Variants in PVT1 observed in about 807,000 individuals in gnomAD.
PVT1 encodes CXCR4/PVT1 fusion.
chr8:127,864,050 T>C (rs911266772), intron 2 of PVT1, among the ~76,000 whole-genome samples: 1 of 152,202 alleles, frequency 6.6e-6, no homozygotes, highest in African/African-American at 2.4e-5. Flanking sequence ...CCTGCATGGC[T>C]TTCCTGGGCC....
At chr8:127,824,543 T>C in intron 2 of PVT1, among the ~76,000 whole-genome samples, 1 of 152,254 alleles carries the variant, frequency 6.6e-6, no homozygotes. Context: ...AGATTTTTCT[T>C]TGTAGAAAAT....
At chr8:127,929,997 T>C (rs1385803017) in intron 3 of PVT1, among the ~76,000 whole-genome samples, 1 of 152,228 alleles carries the variant, frequency 6.6e-6, no homozygotes, top group African/African-American at 2.4e-5. Context: ...TTTAGAAAAA[T>C]ACACATGGAA....
chr8:128,025,139 G>A (rs1418572397), intron 4 of PVT1, among the ~76,000 whole-genome samples: 1 of 152,238 alleles, frequency 6.6e-6, no homozygotes, highest in African/African-American at 2.4e-5. Context: ...TGTTTGGGCT[G>A]GCGCAGGCCA....
chr8:128,089,657 T>C (rs1261781064), intron 5 of PVT1, among the ~76,000 whole-genome samples: 1 of 152,178 alleles, frequency 6.6e-6, no homozygotes, highest in Non-Finnish European at 1.5e-5. Context: ...CAATTACGCA[T>C]AGCAGGGTGT....
chr8:127,818,916 G>A (rs143506833), intron 2 of PVT1, among the ~76,000 whole-genome samples: 39 of 152,246 alleles, frequency 2.6e-4, no homozygotes, highest in Non-Finnish European at 4.3e-4. Context: ...GTGCAGTGGC[G>A]TGATCATAGC....
intron 2 of PVT1, among the ~76,000 whole-genome samples, chr8:127,868,364 G>A (rs2114353): frequency 0.39 from 59,528 of 151,762 alleles, 15,080 homozygotes; most frequent in African/African-American, 0.72. Flanking sequence ...CCAATTTCCT[G>A]TCACTTGAAT....
At chr8:127,980,069 A>G (rs1353459712) in intron 3 of PVT1, among the ~76,000 whole-genome samples, 1 of 148,640 alleles carries the variant, frequency 6.7e-6, no homozygotes, top group Non-Finnish European at 1.5e-5. Context: ...TTTTGTAGAG[A>G]TGGGGTCTCA....
intron 2 of PVT1, among the ~76,000 whole-genome samples, chr8:127,851,261 G>A (rs1040302998): frequency 2.0e-5 from 3 of 152,128 alleles, no homozygotes; most frequent in East Asian, 1.9e-4. Flanking sequence ...TGATGTATTC[G>A]TTTGGAGTGG....
chr8:128,056,664 G>T (rs1232516514), intron 4 of PVT1, among the ~76,000 whole-genome samples: 6 of 152,162 alleles, frequency 3.9e-5, no homozygotes, highest in African/African-American at 1.4e-4. Context: ...TGGTTGCCAA[G>T]ACTGCCCTTG....
At chr8:128,002,987 T>TCCTTCCTTCCTTCCTTCCTTCCTTCCTC (rs1317875199) in intron 4 of PVT1, among the ~76,000 whole-genome samples, 1 of 131,300 alleles carries the variant, frequency 7.6e-6, no homozygotes, top group Non-Finnish European at 1.6e-5. Flanking sequence ...CTTCCTTCCT[T>TCCTTCCTTCCTTCCTTCCTTCCTTCCTC]CCTTCCTCCC....
In PVT1 at chr8:127,905,343, A is replaced by G. The variant is rs574690588; in HGVS notation, n.782+14345A>G. On this transcript the variant is annotated intron_variant and non_coding_transcript_variant, in intron 3 of 10. Transcript: ENST00000651587. ...GCTTCACTATCTCTTCTGGGCACAG[A>G]TTGGTTACAGGGATATAGACCACCT... Among the ~76,000 whole-genome samples, 3 of 152,234 alleles carry G rather than the reference A, an allele frequency of 2.0e-5. No homozygotes were observed. In the South Asian group the frequency reaches 6.2e-4, roughly 32 times the overall value.
At position 128,067,541 on chromosome 8, in the gene PVT1, G is replaced by A. The variant is rs535219248; in HGVS notation, n.913-2619G>A. Among the ~76,000 whole-genome samples the A allele has an allele frequency of 3.9e-5, 6 of 152,356 alleles. No homozygotes were observed. The South Asian group carries it at 1.0e-3, about 26-fold the overall frequency. On this transcript the variant is annotated intron_variant and non_coding_transcript_variant, in intron 4 of 10. Transcript: ENST00000651587. ...AACTCAGAAAAGGAACACACAGGATGTCTTGGCAGGATGAGACTAGGCAGC... is the reference window on the plus strand; with the variant it reads ...AACTCAGAAAAGGAACACACAGGATATCTTGGCAGGATGAGACTAGGCAGC...
At chr8:127,799,210 G>A (rs748033723) in intron 2 of PVT1, among the ~76,000 whole-genome samples, 1 of 151,804 alleles carries the variant, frequency 6.6e-6, no homozygotes, top group Non-Finnish European at 1.5e-5. Context: ...GAGAACAGGG[G>A]CGTCTAAGTG....
At chr8:127,918,423 T>C (rs1816016342) in intron 3 of PVT1, among the ~76,000 whole-genome samples, 1 of 152,202 alleles carries the variant, frequency 6.6e-6, no homozygotes, top group Admixed American at 6.5e-5. Flanking sequence ...CCCTGATCTG[T>C]GTCCTCATTT....
At chr8:127,833,807 C>A (rs1490820206) in intron 2 of PVT1, among the ~76,000 whole-genome samples, 1 of 152,142 alleles carries the variant, frequency 6.6e-6, no homozygotes, top group Non-Finnish European at 1.5e-5. Flanking sequence ...TGAAGCCATT[C>A]CTGGGGGACA....
intron 3 of PVT1, among the ~76,000 whole-genome samples, chr8:127,956,446 A>G (rs1449432834): frequency 6.6e-6 from 1 of 152,236 alleles, no homozygotes; most frequent in African/African-American, 2.4e-5. Context: ...TGAAGGGAAG[A>G]CACAGCTCTG....
chr8:128,075,511 A>C (rs1187368107), intron 5 of PVT1, among the ~76,000 whole-genome samples: 2 of 152,224 alleles, frequency 1.3e-5, no homozygotes, highest in African/African-American at 2.4e-5. Context: ...AAAAATTAAA[A>C]ATTTTCCACA....
chr8:127,806,189 A>G (rs1814524388), intron 2 of PVT1, among the ~76,000 whole-genome samples: 1 of 152,182 alleles, frequency 6.6e-6, no homozygotes, highest in Admixed American at 6.5e-5. Context: ...ATGGCTGGGC[A>G]CCGTGGCTCA....
chr8:128,096,304 A>G (rs1814428211), intron 5 of PVT1, among the ~76,000 whole-genome samples: 1 of 152,158 alleles, frequency 6.6e-6, no homozygotes, highest in Admixed American at 6.5e-5. Flanking sequence ...ACTCTCTTTG[A>G]TGGGCAGGGC....
Sources: allele counts gnomAD v4.1 joint callset (sites outside exome capture counted in the v4.1 genomes callset), GRCh38; gene constraint gnomAD v4.1.1; transcripts MANE v1.5; gene names NCBI Gene and HGNC (gene_info 2026-07-23, HGNC 2026-07-21).